The following PAX5 variants were observed in gnomAD, a reference collection of about 807,000 sequenced individuals.
The protein encoded by PAX5 is paired box protein Pax-5.
PAX5 carries 9 observed loss-of-function variants against 43.7 expected under a neutral mutation model. The observed-to-expected ratio is 0.21, with a 90% CI of 0.12 to 0.36. The LOEUF (loss-of-function observed/expected upper bound fraction) is 0.36, where lower values mean the gene tolerates loss of function less well. Among genes scored for constraint, PAX5 ranks in the 10% least tolerant of loss-of-function variants. The pLI is 1.00. For missense variants in PAX5, 383 were observed against 532.7 expected (o/e 0.72, Z 2.77); for synonymous variants, 228 against 214.3 (o/e 1.06, Z -0.56).
chr9:36,870,556 T>C (rs1825398239), intron 8 of PAX5, among the ~76,000 whole-genome samples: 1 of 152,240 alleles, frequency 6.6e-6, no homozygotes, highest in Admixed American at 6.5e-5. Flanking sequence ...TTAACAACAA[T>C]GTTACAATTT....
At chr9:37,003,130 CG>C (rs1341534356) in intron 4 of PAX5, among the ~76,000 whole-genome samples, 1 of 138,654 alleles carries the variant, frequency 7.2e-6, no homozygotes, top group Non-Finnish European at 1.5e-5. Context: ...AGAGGGGAGC[CG>C]GGGCCCACCA....
intron 7 of PAX5, among the ~76,000 whole-genome samples, chr9:36,891,342 G>A (rs1827359717): frequency 6.6e-6 from 1 of 152,230 alleles, no homozygotes. Flanking sequence ...GGGAGAGGGG[G>A]AGAAACAGCT....
At chr9:36,851,364 G>C (rs1587752747) in intron 8 of PAX5, among the ~76,000 whole-genome samples, 2 of 152,156 alleles carry the variant, frequency 1.3e-5, no homozygotes, top group African/African-American at 4.8e-5. Context: ...TCAGTTGTCT[G>C]TTGGGTGTTT....
At chr9:36,877,888 G>T (rs1380310770) in intron 8 of PAX5, among the ~76,000 whole-genome samples, 1 of 152,220 alleles carries the variant, frequency 6.6e-6, no homozygotes, top group Non-Finnish European at 1.5e-5. Flanking sequence ...GGATCCTCCA[G>T]GTATGACCTA....
At chr9:36,980,739 T>TGCCC (rs1835839758) in intron 5 of PAX5, among the ~76,000 whole-genome samples, 1 of 152,038 alleles carries the variant, frequency 6.6e-6, no homozygotes, top group African/African-American at 2.4e-5. Context: ...GGAATGGCTA[T>TGCCC]CCAGAGAAGG....
rs368219572 is a variant in PAX5 at position 36,978,084 on chromosome 9, A to T, written c.605-11360T>A. ...GTGCAAATACATTATTGAAGCTCTCATGGTGTTGGTATGAAGAGATGGGAT... is the reference window on the plus strand; with the variant it reads ...GTGCAAATACATTATTGAAGCTCTCTTGGTGTTGGTATGAAGAGATGGGAT... On this transcript the variant is annotated intron_variant, in intron 5 of 9. Coordinates refer to ENST00000358127, the MANE Select transcript of PAX5 (RefSeq NM_016734.3). Among the ~76,000 whole-genome samples, 14 of 152,358 alleles carry T rather than the reference A, an allele frequency of 9.2e-5. No homozygotes were observed. The South Asian group carries it at 2.9e-3, about 32-fold the overall frequency.
chr9:36,951,710 TTTTA>T (rs1465192161), intron 6 of PAX5, among the ~76,000 whole-genome samples: 3 of 152,206 alleles, frequency 2.0e-5, no homozygotes, highest in Non-Finnish European at 2.9e-5. Context: ...ACTCAAATAT[TTTTA>T]TTTATTTCTA....
intron 5 of PAX5, among the ~76,000 whole-genome samples, chr9:36,987,970 A>G (rs1364785512): frequency 2.0e-5 from 3 of 152,212 alleles, no homozygotes; most frequent in Non-Finnish European, 4.4e-5. Flanking sequence ...AGTACTATTC[A>G]GAAGTGCTGG....
At chr9:36,897,024 G>A (rs1463975490) in intron 7 of PAX5, among the ~76,000 whole-genome samples, 2 of 152,214 alleles carry the variant, frequency 1.3e-5, no homozygotes, top group Non-Finnish European at 2.9e-5. Context: ...CACTGAAACA[G>A]GGCCTCAGTG....
At chr9:36,961,814 G>A (rs922434847) in intron 6 of PAX5, among the ~76,000 whole-genome samples, 4 of 152,044 alleles carry the variant, frequency 2.6e-5, no homozygotes, top group Non-Finnish European at 5.9e-5. Context: ...ACACACACAC[G>A]CACGCACATA....
intron 5 of PAX5, among the ~76,000 whole-genome samples, chr9:36,989,720 G>C (rs1338771208): frequency 1.3e-5 from 2 of 152,172 alleles, no homozygotes; most frequent in East Asian, 3.9e-4. Flanking sequence ...GGAGACTCTG[G>C]GGTCAGGCAG....
At chr9:36,952,665 C>T (rs192446474) in intron 6 of PAX5, among the ~76,000 whole-genome samples, 12 of 152,126 alleles carry the variant, frequency 7.9e-5, no homozygotes, top group East Asian at 5.8e-4. Context: ...TAGTACTTTC[C>T]CTAGAGTCTG....
chr9:36,893,339 TC>T, intron 7 of PAX5: 1 of 152,170 alleles, frequency 6.6e-6, no homozygotes, highest in East Asian at 1.9e-4. Context: ...AGAGCTCATG[TC>T]CCCACCAGGC....
At chr9:36,890,774 G>A (rs1034382088) in intron 7 of PAX5, among the ~76,000 whole-genome samples, 27 of 152,152 alleles carry the variant, frequency 1.8e-4, no homozygotes, top group African/African-American at 7.2e-5. Flanking sequence ...AATTAAACCC[G>A]AGTGAAAGGA....
chr9:37,000,267 T>G (rs1211874533), intron 5 of PAX5, among the ~76,000 whole-genome samples: 1 of 152,134 alleles, frequency 6.6e-6, no homozygotes, highest in East Asian at 1.9e-4. Flanking sequence ...ACGTGCATAC[T>G]CTCAGTGGTG....
chr9:36,937,561 C>T (rs1235472892), intron 6 of PAX5, among the ~76,000 whole-genome samples: 1 of 152,310 alleles, frequency 6.6e-6, no homozygotes, highest in African/African-American at 2.4e-5. Context: ...GGGACACCAC[C>T]TGCTAGGCCA....
At chr9:36,855,558 G>A (rs889084741) in intron 8 of PAX5, among the ~76,000 whole-genome samples, 2 of 152,204 alleles carry the variant, frequency 1.3e-5, no homozygotes, top group Non-Finnish European at 2.9e-5. Flanking sequence ...GTGTGCATGC[G>A]TGAGGTGGGG....
rs747063380 is a variant in PAX5, at chr9:36,834,568, T to G, written c.*5992A>C. 3 of 233,128 alleles carry G rather than the reference T, an allele frequency of 1.3e-5. No individual in the cohort carries two copies. The highest frequency in any genetic ancestry group is 2.5e-5 in the Non-Finnish European group (3 of 118,054). 14.4% of individuals were successfully genotyped at this position (233,128 alleles called of 1,614,324 possible). On this transcript the variant is annotated 3_prime_UTR_variant, in exon 10 of 10. Transcript: ENST00000358127. Reference sequence around the variant, plus strand: ...ATTTTCTTTTTAGCTTTATAGCAATTAATTGGCTATTGATTGGTTGGAATG... The same window carrying G: ...ATTTTCTTTTTAGCTTTATAGCAATGAATTGGCTATTGATTGGTTGGAATG...
intron 1 of PAX5, chr9:37,026,494 G>A (rs1840389280): frequency 7.6e-7 from 1 of 1,316,820 alleles, no homozygotes; most frequent in Non-Finnish European, 1.0e-6. Flanking sequence ...ACCCGGTCCC[G>A]GCGGGAGAGT....
Sources: allele counts gnomAD v4.1 joint callset (sites outside exome capture counted in the v4.1 genomes callset), GRCh38; gene constraint gnomAD v4.1.1; transcripts MANE v1.5; gene names NCBI Gene and HGNC (gene_info 2026-07-23, HGNC 2026-07-21).